CACNA1S: variants seen among roughly 807,000 people sequenced by gnomAD.
CACNA1S encodes the protein voltage-dependent L-type calcium channel subunit alpha-1S.
Under a neutral mutation model 207.4 loss-of-function variants are expected in CACNA1S, and 126 were observed. That is an observed-to-expected ratio of 0.61 (90% CI 0.53 to 0.70). The LOEUF is 0.70. Among genes scored for constraint, CACNA1S ranks in the 30% least tolerant of loss-of-function variants. CACNA1S has a pLI of 0.00. For missense variants in CACNA1S, 2,349 were observed against 2,422.8 expected (o/e 0.97, Z 0.64); for synonymous variants, 960 against 932.7 (o/e 1.03, Z -0.53).
At chr1:201,099,430 G>A (rs1438951857) in intron 2 of CACNA1S, among the ~76,000 whole-genome samples, 1 of 152,224 alleles carries the variant, frequency 6.6e-6, no homozygotes, top group East Asian at 1.9e-4. Context: ...CTGGGAATGT[G>A]CACTGCCACC....
intron 1 of CACNA1S, among the ~76,000 whole-genome samples, chr1:201,111,611 C>T (rs931934194): frequency 6.6e-6 from 1 of 152,086 alleles, no homozygotes; most frequent in African/African-American, 2.4e-5. Flanking sequence ...TGGGACCTGC[C>T]CCCAGAGGAA....
chr1:201,095,353 C>A (rs1267270395), intron 2 of CACNA1S, among the ~76,000 whole-genome samples: 1 of 152,122 alleles, frequency 6.6e-6, no homozygotes, highest in Non-Finnish European at 1.5e-5. Flanking sequence ...CATCAGCACA[C>A]TGCGGAGGCG....
intron 23 of CACNA1S, 119 bp downstream of exon 23, chr1:201,062,343 C>G: frequency 2.7e-6 from 3 of 1,096,984 alleles, no homozygotes; most frequent in Non-Finnish European, 4.2e-6. Context: ...GCCCTGTGAT[C>G]GTCCTGCCAC....
At chr1:201,085,672 T>A in intron 7 of CACNA1S, 91 bp from the exon 8 acceptor site, 2 of 1,486,994 alleles carry the variant, frequency 1.3e-6, no homozygotes, top group Non-Finnish European at 1.9e-6. Context: ...AAGCCCATTC[T>A]GTGACTGGAG....
chr1:201,047,768 T>G (rs1572023581), intron 36 of CACNA1S, 142 bp from the exon 37 acceptor site: 1 of 713,082 alleles, frequency 1.4e-6, no homozygotes, highest in Admixed American at 2.0e-5. Context: ...CCTTGCTGGG[T>G]ACTGGCAATG....
rs909636417 is a variant in CACNA1S at position 201,085,460 on chromosome 1, T to G, written c.1126A>C (p.Met376Leu). ...YMSWITQGEVMDVEDFREGKL... is the reference protein window; with the variant it reads ...YMSWITQGEVLDVEDFREGKL... ...CCTTCTCTGAAGTCCTCAACATCCA[T>G]GACCTCGCCCTGCGTGATCCAGCTC... The change falls in exon 8 of 44, where the codon ATG (methionine) becomes CTG (leucine). Residue 376 changes from methionine (M) to leucine (L), a missense_variant. Transcript: ENST00000362061. 1 of 1,613,210 alleles carries G rather than the reference T, an allele frequency of 6.2e-7. No individual in the cohort carries two copies. Among genetic ancestry groups the G allele is most frequent in the Non-Finnish European group, 8.5e-7 (1 of 1,179,902 alleles).
At chr1:201,073,690 G>GAGA in intron 14 of CACNA1S, 48 bp from the exon 15 acceptor site, 1 of 1,442,494 alleles carries the variant, frequency 6.9e-7, no homozygotes, top group South Asian at 1.1e-5. Flanking sequence ...AGTTCTCAGG[G>GAGA]ATCTGCTGAA....
At chr1:201,082,322 C>T (rs1020707801) in intron 10 of CACNA1S, among the ~76,000 whole-genome samples, 62 of 141,112 alleles carry the variant, frequency 4.4e-4, no homozygotes, top group Admixed American at 3.3e-3. Flanking sequence ...CCACCGCGCC[C>T]GGCCTCAGGT....
rs2102558334 is a variant in CACNA1S at position 201,050,988 on chromosome 1, A to T, written c.4109T>A (p.Phe1370Tyr). The T allele has an allele frequency of 6.2e-7, 1 of 1,614,170 alleles. No individual in the cohort carries two copies. Among genetic ancestry groups the T allele is most frequent in the East Asian group, 2.2e-5 (1 of 44,874 alleles). Residue 1370 changes from phenylalanine (F) to tyrosine (Y), a missense_variant, in exon 33 of 44, where the codon TTC (phenylalanine) becomes TAC (tyrosine). Physicochemically the swap from Phe to Tyr is conservative, Grantham distance 22. Transcript: ENST00000362061. ...CGCAGGCCCTCAGCATCTCACCAGGAAGGCACAGAGCATGTAGAAGCTGAT... is the reference window on the plus strand; with the variant it reads ...CGCAGGCCCTCAGCATCTCACCAGGTAGGCACAGAGCATGTAGAAGCTGAT... ...YFISFYMLCA[F>Y]LVINLFVAVI... is the part of the protein sequence containing the mutation.
rs200034567 is a variant in CACNA1S at position 201,053,494 on chromosome 1, G to A, written c.3760C>T (p.Arg1254Ter). 8.1e-6 allele frequency: 13 copies of A among 1,614,030 alleles called. No individual in the cohort carries two copies. The highest frequency in any genetic ancestry group is 1.7e-5 in the Admixed American group (1 of 60,010). Residue 1254 changes from arginine (R) to a stop codon, truncating the protein, a stop_gained, in exon 30 of 44, where the codon CGA becomes TGA. Coordinates refer to ENST00000362061, the MANE Select transcript of CACNA1S (RefSeq NM_000069.3). LOFTEE classifies it high-confidence loss of function. This position sits in a 1 kb window ranked among gnomAD's most constrained non-coding sequence, Gnocchi z 5.1. ...IKLLSRAEGV[R>*]TLLWTFIKSF... ...TTGATGAACGTCCACAGGAGGGTTC[G>A]CACTCCTTCTGCCCGGCTCAGCAGC...
chr1:201,096,612 C>T (rs182616620), intron 2 of CACNA1S, among the ~76,000 whole-genome samples: 75 of 152,318 alleles, frequency 4.9e-4, no homozygotes, highest in African/African-American at 1.3e-3. Context: ...TATGGTGTGA[C>T]GGTTTTCACC....
chr1:201,046,174 A>AT (rs10681450), intron 38 of CACNA1S, among the ~76,000 whole-genome samples: 7,380 of 120,412 alleles, frequency 0.061, 397 homozygotes, highest in East Asian at 0.15. Flanking sequence ...TTATTTATTT[A>AT]TTATTTATTT....
At chr1:201,041,795 ACT>A in intron 40 of CACNA1S, 1 of 639,048 alleles carries the variant, frequency 1.6e-6, no homozygotes, top group African/African-American at 1.8e-5. Flanking sequence ...AGCATTCCTG[ACT>A]CCACTCCTTT....
chr1:201,048,894 G>A (rs1558055327), intron 35 of CACNA1S, 109 bp downstream of exon 35: 21 of 949,392 alleles, frequency 2.2e-5, no homozygotes, highest in Admixed American at 5.9e-5. Context: ...GGGGACCCAG[G>A]AGATCCCGGC....
At chr1:201,109,912 T>C (rs1663033595) in intron 2 of CACNA1S, among the ~76,000 whole-genome samples, 1 of 152,224 alleles carries the variant, frequency 6.6e-6, no homozygotes, top group Non-Finnish European at 1.5e-5. Context: ...CATCAGGTAT[T>C]AGCACAGTGC....
At position 201,085,401 on chromosome 1, in the gene CACNA1S, G is replaced by C. The variant is rs746635804; in HGVS notation, c.1150+35C>G. 35 of 1,613,526 alleles carry C rather than the reference G, an allele frequency of 2.2e-5. No individual in the cohort carries two copies. In the Admixed American group the frequency reaches 5.2e-4, roughly 24 times the overall value. On this transcript the variant is annotated intron_variant, in intron 8 of 43. Transcript: ENST00000362061. ...GACTCAGAGGTGGGAGTGAGAGAGT[G>C]GGGTGAGTGCTGACCACAGCCTTTG...
rs1661697037 is a variant in CACNA1S at position 201,078,062 on chromosome 1, A to T, written c.1436T>A (p.Met479Lys). 1 of 1,614,074 alleles carries T rather than the reference A, an allele frequency of 6.2e-7. No homozygotes were observed. Among genetic ancestry groups the T allele is most frequent in the Admixed American group, 1.7e-5 (1 of 60,010 alleles). Residue 479 changes from methionine to lysine, a missense_variant, in exon 11 of 44, where the codon ATG (methionine) becomes AAG (lysine). Met to Lys is a moderately conservative substitution (Grantham distance 95, BLOSUM62 -1). Coordinates refer to ENST00000362061, the MANE Select transcript of CACNA1S (RefSeq NM_000069.3). ...RVLLSLFTTEMLMKMYGLGLR... is the reference protein window; with the variant it reads ...RVLLSLFTTEKLMKMYGLGLR... ...GCCCAGCCCGTACATCTTCATCAGC[A>T]TCTCAGTGGTGAAGAGGGACAGCAG...
At chr1:201,111,293 C>G (rs1487263498) in intron 1 of CACNA1S, among the ~76,000 whole-genome samples, 1 of 152,160 alleles carries the variant, frequency 6.6e-6, no homozygotes, top group Non-Finnish European at 1.5e-5. Context: ...TAGGGAACAG[C>G]TGGTAGGAGC....
At chr1:201,097,771 TG>T (rs1231104145) in intron 2 of CACNA1S, among the ~76,000 whole-genome samples, 99 of 152,288 alleles carry the variant, frequency 6.5e-4, no homozygotes, top group Admixed American at 1.2e-3. Context: ...GAGTTGCTGC[TG>T]GTGGTGGGTG....
Sources: gnomAD v4.1 joint callset for allele counts (sites outside exome capture counted in the v4.1 genomes callset) on GRCh38, gnomAD v4.1.1 for gene constraint, Gnocchi (gnomAD v3.1) non-coding constraint, MANE v1.5 for transcripts, NCBI Gene and HGNC (gene_info 2026-07-23, HGNC 2026-07-21) for gene names.